Variants in LUZP2 observed in about 807,000 individuals in gnomAD.
LUZP2 encodes leucine zipper protein 2.
In LUZP2, 52 loss-of-function variants were observed where a neutral mutation model predicts 51.6. The ratio of observed to expected loss-of-function variants is 1.01; its 90% CI spans 0.81 to 1.27. The LOEUF (loss-of-function observed/expected upper bound fraction) is 1.27, where lower values mean the gene tolerates loss of function less well. Ranked by LOEUF, LUZP2 falls within the 50% of genes most tolerant of loss-of-function variation. LUZP2 has a pLI of 0.00. For missense variants in LUZP2, 436 were observed against 395.4 expected (o/e 1.10, Z -0.87); for synonymous variants, 154 against 137.3 (o/e 1.12, Z -0.85).
At chr11:24,554,218 A>G (rs1210342513) in intron 1 of LUZP2, among the ~76,000 whole-genome samples, 3 of 152,184 alleles carry the variant, frequency 2.0e-5, no homozygotes, top group African/African-American at 7.2e-5. Context: ...TTTTCTAAGG[A>G]GCTGCTTTCT....
chr11:24,862,590 C>A (rs554514774), intron 5 of LUZP2, among the ~76,000 whole-genome samples: 29 of 152,210 alleles, frequency 1.9e-4, no homozygotes, highest in African/African-American at 6.5e-4. Context: ...CACAGACTGG[C>A]AAACTGGATA....
At chr11:24,638,569 G>A (rs1855180550) in intron 1 of LUZP2, among the ~76,000 whole-genome samples, 1 of 151,570 alleles carries the variant, frequency 6.6e-6, no homozygotes. Context: ...CTAAAGCAGG[G>A]CTTAGTTGAT....
chr11:24,999,190 C>T (rs1321258123), intron 9 of LUZP2, among the ~76,000 whole-genome samples: 1 of 152,144 alleles, frequency 6.6e-6, no homozygotes, highest in Non-Finnish European at 1.5e-5. Context: ...TAGCCTCCAA[C>T]TCTAATTATG....
intron 5 of LUZP2, among the ~76,000 whole-genome samples, chr11:24,884,614 C>T (rs1308109586): frequency 6.6e-6 from 1 of 152,050 alleles, no homozygotes; most frequent in African/African-American, 2.4e-5. Flanking sequence ...TCTCTTCGTT[C>T]GTCAGTCTCT....
chr11:24,845,895 T>C (rs1851184122), intron 5 of LUZP2, among the ~76,000 whole-genome samples: 1 of 152,078 alleles, frequency 6.6e-6, no homozygotes. Flanking sequence ...TTATCAGCAG[T>C]CTGGAAACGG....
intron 9 of LUZP2, among the ~76,000 whole-genome samples, chr11:25,037,022 C>T (rs1477549738): frequency 1.3e-5 from 2 of 152,010 alleles, no homozygotes; most frequent in East Asian, 3.9e-4. Flanking sequence ...AGCTTTCTGC[C>T]TCGATGATCT....
intron 1 of LUZP2, among the ~76,000 whole-genome samples, chr11:24,715,533 C>T (rs1858010020): frequency 6.6e-6 from 1 of 152,104 alleles, no homozygotes; most frequent in Non-Finnish European, 1.5e-5. Flanking sequence ...GAACACAACA[C>T]TTTCACATCT....
At chr11:24,951,151 A>G (rs930832593) in intron 7 of LUZP2, among the ~76,000 whole-genome samples, 2 of 151,600 alleles carry the variant, frequency 1.3e-5, no homozygotes, top group African/African-American at 4.8e-5. Context: ...TTGCGAGAAT[A>G]TACTTAATTA....
intron 1 of LUZP2, among the ~76,000 whole-genome samples, chr11:24,636,443 G>A (rs561254935): frequency 1.7e-4 from 26 of 152,266 alleles, no homozygotes; most frequent in African/African-American, 6.0e-4. Flanking sequence ...AGAGCACTCT[G>A]TTATAAAATG....
chr11:24,986,963 T>A (rs1405807543), intron 9 of LUZP2, among the ~76,000 whole-genome samples: 2 of 151,824 alleles, frequency 1.3e-5, no homozygotes, highest in African/African-American at 2.4e-5. Flanking sequence ...AGTAAAAATC[T>A]CTTTTCTGCT....
intron 4 of LUZP2, among the ~76,000 whole-genome samples, chr11:24,743,575 C>T (rs1009405067): frequency 3.1e-4 from 47 of 151,984 alleles, no homozygotes; most frequent in African/African-American, 1.1e-3. Flanking sequence ...TTTATCAGTT[C>T]TAGGAGCTTT....
chr11:24,512,666 T>C (rs1850346682), intron 1 of LUZP2, among the ~76,000 whole-genome samples: 1 of 152,164 alleles, frequency 6.6e-6, no homozygotes, highest in African/African-American at 2.4e-5. Context: ...AATACGAAGT[T>C]CAACGTTACT....
chr11:24,910,970 AT>A (rs984285473), intron 6 of LUZP2, among the ~76,000 whole-genome samples: 16 of 152,316 alleles, frequency 1.1e-4, no homozygotes, highest in African/African-American at 3.4e-4. Context: ...GCACAAGGCT[AT>A]GCGAGTCCAC....
chr11:24,624,800 G>A (rs564195932), intron 1 of LUZP2, among the ~76,000 whole-genome samples: 13 of 152,066 alleles, frequency 8.5e-5, no homozygotes, highest in Non-Finnish European at 1.5e-4. Flanking sequence ...GAAGTACCTC[G>A]TACCTAGCTT....
intron 1 of LUZP2, among the ~76,000 whole-genome samples, chr11:24,613,725 A>G (rs1854197427): frequency 6.6e-6 from 1 of 152,034 alleles, no homozygotes; most frequent in Non-Finnish European, 1.5e-5. Flanking sequence ...GATAACATGA[A>G]GTTATTATTT....
At position 24,574,751 on chromosome 11, in the gene LUZP2, G is replaced by C. The variant is rs183950712; in HGVS notation, c.62+77446G>C. 1.5e-3 allele frequency among the ~76,000 whole-genome samples: 233 copies of C among 152,204 alleles called. 1 individual carries two copies. The highest frequency in any genetic ancestry group is 2.5e-3 in the Non-Finnish European group (173 of 67,972). On this transcript the variant is annotated intron_variant, in intron 1 of 11. Transcript: ENST00000336930. ...TCCTATCCTCTCACAGAGACTGGGAGTTGGGGATTTTGTCTTTCTTGATCA... is the reference window on the plus strand; with the variant it reads ...TCCTATCCTCTCACAGAGACTGGGACTTGGGGATTTTGTCTTTCTTGATCA...
chr11:24,615,130 C>T (rs1287393125), intron 1 of LUZP2, among the ~76,000 whole-genome samples: 2 of 151,740 alleles, frequency 1.3e-5, no homozygotes, highest in Non-Finnish European at 2.9e-5. Flanking sequence ...TGTAAATATA[C>T]ATATATGCAG....
intron 1 of LUZP2, among the ~76,000 whole-genome samples, chr11:24,698,359 G>T (rs1857312891): frequency 2.0e-5 from 3 of 152,110 alleles, no homozygotes; most frequent in Admixed American, 2.0e-4. Flanking sequence ...GTGTTGCTAG[G>T]ACCTTTGTTC....
intron 9 of LUZP2, among the ~76,000 whole-genome samples, chr11:25,034,365 C>A (rs753918132): frequency 5.3e-5 from 8 of 152,070 alleles, no homozygotes; most frequent in Admixed American, 2.6e-4. Flanking sequence ...TTCTTCCATT[C>A]TGTAGGTTGT....
Sources: gnomAD v4.1 joint callset for allele counts (sites outside exome capture counted in the v4.1 genomes callset) on GRCh38, gnomAD v4.1.1 for gene constraint, MANE v1.5 for transcripts, NCBI Gene and HGNC (gene_info 2026-07-23, HGNC 2026-07-21) for gene names.